ADGRG2: variants seen among roughly 807,000 people sequenced by gnomAD.
ADGRG2 encodes the protein G protein-coupled receptor 64.
Under a neutral mutation model 74.1 loss-of-function variants are expected in ADGRG2, and 26 were observed. The observed-to-expected ratio is 0.35, with a 90% CI of 0.26 to 0.49. The LOEUF is 0.49. ADGRG2 is among the 20% of genes least tolerant of loss of function. The pLI is 0.99. For synonymous variants in ADGRG2, 296 were observed against 295.2 expected, an observed-to-expected ratio of 1.00 and a Z score of -0.03; for missense variants, 619 against 763.1, an observed-to-expected ratio of 0.81 and a Z score of 2.22.
intron 22 of ADGRG2, 88 bp from the exon 23 acceptor site, chrX:19,004,967 C>G: frequency 1.4e-6 from 1 of 710,358 alleles, no homozygotes; most frequent in Non-Finnish European, 2.0e-6. Flanking sequence ...GGGATCCATT[C>G]ATAGTCTATT....
rs145879599 is a variant in ADGRG2, at chrX:19,002,762, C to G, written c.2230+84G>C. The stretch of plus-strand genomic sequence containing the variant: ...GAAACTTGCTGAATGTGATCTGCTT[C>G]ATCGTTTCCACCTGCTCAAAAATCA... On this transcript the variant is annotated intron_variant, in intron 24 of 28. Coordinates refer to ENST00000379869, the MANE Select transcript of ADGRG2 (RefSeq NM_001079858.3). The G allele has an allele frequency of 9.7e-3, 8,967 of 927,979 alleles. 38 individuals carry two copies. The highest frequency in any genetic ancestry group is 0.025 in the Middle Eastern group (91 of 3,630). 76.5% of individuals were successfully genotyped at this position (927,979 alleles called of 1,213,427 possible).
chrX:19,105,667 G>A (rs1032325969), intron 1 of ADGRG2, among the ~76,000 whole-genome samples: 2 of 110,969 alleles, frequency 1.8e-5, no homozygotes, highest in East Asian at 2.8e-4. Flanking sequence ...ACCACGGCAC[G>A]TGTATACCTA....
Position 19,028,187 on chromosome X carries a change from G to A in ADGRG2, c.410C>T (p.Pro137Leu). 9.4e-7 allele frequency: 1 copy of A among 1,059,063 alleles called. No homozygotes were observed. The highest frequency in any genetic ancestry group is 1.3e-6 in the Non-Finnish European group (1 of 767,268). 87.3% of individuals were successfully genotyped at this position (1,059,063 alleles called of 1,213,427 possible). A position where few individuals can be genotyped will look rare whatever the true frequency, so the allele number is the denominator to read the frequency against. Residue 137 changes from proline (P) to leucine (L), a missense_variant, in exon 10 of 29, where the codon CCC becomes CTC. Transcript: ENST00000379869. Reference protein sequence around the residue: ...MFQYDKESTVPQNQHITNGTL... With the variant: ...MFQYDKESTVLQNQHITNGTL... ...AAAAAAATCTTTAAAACTTACCTGG[G>A]GAACAGTGCTTTCTTTATCATATTG... is the stretch of plus-strand genomic sequence containing the variant.
intron 22 of ADGRG2, among the ~76,000 whole-genome samples, chrX:19,005,305 A>G (rs1482724634): frequency 1.8e-5 from 2 of 112,258 alleles, no homozygotes; most frequent in Non-Finnish European, 3.8e-5. Flanking sequence ...TCCCCATTCT[A>G]CCTATCTTGC....
At position 19,002,868 on chromosome X, in the gene ADGRG2, A is replaced by T. The variant is rs1277500058; in HGVS notation, c.2208T>A (p.Leu736=). 5 of 1,210,218 alleles carry T rather than the reference A, an allele frequency of 4.1e-6. No individual in the cohort carries two copies. In the Admixed American group the frequency reaches 8.7e-5, roughly 21 times the overall value. Residue 736 remains leucine (L), a synonymous_variant, in exon 24 of 29, where the codon CTT becomes CTA. Transcript: ENST00000379869. ...VFNTYIRKYI[L]KFCIVGWGVP... ...TACCCCAACCGACAATGCAGAATTTAAGGATGTATTTTCGGATGTAAGTAT... is the reference window on the plus strand; with the variant it reads ...TACCCCAACCGACAATGCAGAATTTTAGGATGTATTTTCGGATGTAAGTAT...
intron 1 of ADGRG2, among the ~76,000 whole-genome samples, chrX:19,095,451 G>A (rs1359551749): frequency 9.0e-6 from 1 of 111,017 alleles, no homozygotes; most frequent in African/African-American, 3.3e-5. Flanking sequence ...GCTTGAACTC[G>A]ATGAGTGCTC....
chrX:19,118,065 A>G (rs1221069107), intron 1 of ADGRG2, among the ~76,000 whole-genome samples: 1 of 112,007 alleles, frequency 8.9e-6, no homozygotes, highest in African/African-American at 3.2e-5. Flanking sequence ...CCAGAACCCT[A>G]TGGCAAGCAC....
chrX:19,076,357 G>T (rs2061747399), intron 2 of ADGRG2, among the ~76,000 whole-genome samples: 1 of 111,703 alleles, frequency 9.0e-6, no homozygotes, highest in African/African-American at 3.2e-5. Flanking sequence ...TTTGGAGAAG[G>T]GTGGAGCTAG....
intron 3 of ADGRG2, 55 bp from the exon 4 acceptor site, chrX:19,040,279 A>C: frequency 1.3e-6 from 1 of 787,953 alleles, no homozygotes; most frequent in East Asian, 3.2e-5. Flanking sequence ...AAAATCAATA[A>C]AATTGTACTA....
intron 2 of ADGRG2, among the ~76,000 whole-genome samples, chrX:19,082,159 G>A (rs17222237): frequency 0.096 from 10,439 of 109,201 alleles, 542 homozygotes; most frequent in Middle Eastern, 0.17. Context: ...TGAAAGTAGC[G>A]GCTTCAGAAT....
At position 18,999,080 on chromosome X, in the gene ADGRG2, T is replaced by C. The variant is rs774356749; in HGVS notation, c.2530A>G (p.Ile844Val). The change falls in exon 26 of 29, where the codon ATA (isoleucine) becomes GTA (valine). Residue 844 changes from isoleucine (I) to valine (V), a missense_variant. By Grantham distance (29) the Ile-to-Val change is conservative (BLOSUM62 3). Around this residue, in one of 3 missense-constraint regions of ADGRG2, gnomAD observed 221 missense variants for 340.6 expected, o/e 0.65. Transcript: ENST00000379869. ...SIAGLTFLLG[I>V]TWGFAFFAWG... ...GCAAAGAAGGCAAAGCCCCAAGTTATTCCCAGTAAAAATGTAAGGCCAGCG... is the reference window on the plus strand; with the variant it reads ...GCAAAGAAGGCAAAGCCCCAAGTTACTCCCAGTAAAAATGTAAGGCCAGCG... 13 of 1,207,275 alleles carry C rather than the reference T, an allele frequency of 1.1e-5. No individual in the cohort carries two copies. In the South Asian group the frequency reaches 2.3e-4, roughly 21 times the overall value.
intron 1 of ADGRG2, among the ~76,000 whole-genome samples, chrX:19,087,912 A>G (rs978099400): frequency 2.7e-5 from 3 of 110,329 alleles, no homozygotes; most frequent in African/African-American, 9.9e-5. Context: ...CCCTAGCTTA[A>G]GGCTTGCCAC....
At chrX:19,096,039 T>A (rs970466900) in intron 1 of ADGRG2, among the ~76,000 whole-genome samples, 32 of 110,434 alleles carry the variant, frequency 2.9e-4, no homozygotes, top group African/African-American at 9.5e-4. Flanking sequence ...ATTAAAAAAA[T>A]TTTTAAAGTG....
At chrX:19,116,211 T>C (rs1430870495) in intron 1 of ADGRG2, among the ~76,000 whole-genome samples, 2 of 104,753 alleles carry the variant, frequency 1.9e-5, no homozygotes, top group East Asian at 3.1e-4. Context: ...CGAGATCCTG[T>C]CTCAAGAGAA....
At chrX:19,064,302 T>G (rs1744616601) in intron 3 of ADGRG2, among the ~76,000 whole-genome samples, 1 of 112,760 alleles carries the variant, frequency 8.9e-6, no homozygotes, top group African/African-American at 3.2e-5. Context: ...ACAGGCCATA[T>G]GTGAGTGCCC....
chrX:19,062,372 C>T (rs1021585952), intron 3 of ADGRG2, among the ~76,000 whole-genome samples: 18 of 111,856 alleles, frequency 1.6e-4, no homozygotes, highest in Non-Finnish European at 1.9e-4. Flanking sequence ...TCCCCTGCAA[C>T]CTATCTATGA....
At chrX:19,096,410 TAAA>T (rs756410342) in intron 1 of ADGRG2, among the ~76,000 whole-genome samples, 7 of 75,238 alleles carry the variant, frequency 9.3e-5, no homozygotes, top group African/African-American at 2.5e-4. Context: ...AGACTCTATC[TAAA>T]AAAAAAAAAA....
At chrX:19,049,445 T>G (rs1403844645) in intron 3 of ADGRG2, among the ~76,000 whole-genome samples, 16 of 102,531 alleles carry the variant, frequency 1.6e-4, no homozygotes, top group East Asian at 2.9e-4. Context: ...TGTGTTTTTT[T>G]TTTTTTTTTT....
At chrX:19,119,029 G>T (rs1406018168) in intron 1 of ADGRG2, among the ~76,000 whole-genome samples, 2 of 111,891 alleles carry the variant, frequency 1.8e-5, no homozygotes, top group Non-Finnish European at 3.8e-5. Context: ...GGTTGCCAGG[G>T]GCTGAGAGTT....
Sources: gnomAD v4.1 joint callset for allele counts (sites outside exome capture counted in the v4.1 genomes callset) on GRCh38, gnomAD v4.1.1 for gene constraint, gnomAD v4.1.1 regional missense constraint, MANE v1.5 for transcripts, NCBI Gene and HGNC (gene_info 2026-07-23, HGNC 2026-07-21) for gene names.